TARBP1: variants seen among roughly 807,000 people sequenced by gnomAD.
TARBP1 encodes tRNA (guanosine(18)-2'-O)-methyltransferase TARBP1.
Under a neutral mutation model 178.6 loss-of-function variants are expected in TARBP1, and 144 were observed. The observed-to-expected ratio is 0.81, with a 90% CI of 0.70 to 0.93. The LOEUF (loss-of-function observed/expected upper bound fraction) is 0.93, where lower values mean the gene tolerates loss of function less well. Ranked by LOEUF, TARBP1 falls within the 40% of genes least tolerant of loss-of-function variation. TARBP1 has a pLI of 0.00. For missense variants in TARBP1, 2,067 were observed against 2,011.7 expected (o/e 1.03, Z -0.53); for synonymous variants, 787 against 781.0 (o/e 1.01, Z -0.13).
At position 234,393,640 on chromosome 1, in the gene TARBP1, C is replaced by A. The variant is rs768263137; in HGVS notation, c.4435+6G>T. The A allele has an allele frequency of 6.2e-5, 99 of 1,596,324 alleles. No homozygotes were observed. Among genetic ancestry groups the A allele is most frequent in the Non-Finnish European group, 8.5e-5 (99 of 1,167,858 alleles). ...AGGCAAAGCTCCCAGAAAACTCCAA[C>A]TTTACCTCCTAAATTGGTCGGTTTG... is the stretch of plus-strand genomic sequence containing the variant. On this transcript the variant is annotated splice_donor_region_variant and intron_variant, in intron 27 of 29. Transcript: ENST00000040877.
chr1:234,433,321 T>C (rs1018922818), intron 14 of TARBP1, 89 bp downstream of exon 14: 21 of 1,309,500 alleles, frequency 1.6e-5, no homozygotes, highest in Non-Finnish European at 5.4e-6. Context: ...ACGCTTTGTA[T>C]GGTATCAAAA....
intron 26 of TARBP1, among the ~76,000 whole-genome samples, chr1:234,395,846 G>A (rs1659884756): frequency 6.6e-6 from 1 of 152,162 alleles, no homozygotes; most frequent in Non-Finnish European, 1.5e-5. Flanking sequence ...AAGCTCTTGT[G>A]TTCTAGTACA....
chr1:234,410,434 A>G lies in TARBP1; in HGVS notation c.3792+11T>C, dbSNP rs771141422. The G allele has an allele frequency of 3.5e-6, 5 of 1,428,650 alleles. No homozygotes were observed. In the East Asian group the frequency reaches 1.2e-4, roughly 34 times the overall value. 88.5% of individuals were successfully genotyped at this position (1,428,650 alleles called of 1,614,324 possible). On this transcript the variant is annotated intron_variant, in intron 23 of 29. Coordinates refer to ENST00000040877, the MANE Select transcript of TARBP1 (RefSeq NM_005646.4). ...TTACAGTCAAGTTTAAATTCTTACA[A>G]ACAAACTTACCTTTTCTGGAATATT...
At chr1:234,450,127 G>A (rs1666596306) in intron 10 of TARBP1, among the ~76,000 whole-genome samples, 1 of 151,890 alleles carries the variant, frequency 6.6e-6, no homozygotes, top group Non-Finnish European at 1.5e-5. Context: ...TAGTTCACAA[G>A]GACCCAGTAA....
At chr1:234,414,678 G>C (rs371406371) in intron 22 of TARBP1, among the ~76,000 whole-genome samples, 5 of 152,104 alleles carry the variant, frequency 3.3e-5, no homozygotes, top group Non-Finnish European at 7.4e-5. Context: ...TTCAAGAGTG[G>C]GTTGGGAAGG....
intron 23 of TARBP1, 61 bp downstream of exon 23, chr1:234,410,384 G>A: frequency 1.9e-6 from 2 of 1,037,326 alleles, no homozygotes; most frequent in South Asian, 1.5e-5. Context: ...ATAAAAAATT[G>A]GTACAAATAC....
chr1:234,391,567 G>A lies in TARBP1; in HGVS notation c.*10C>T. ...CTGAACAGCAGCAGCAGTTCACTAA[G>A]GAAGGCACATCATGGCTTGGTATCT... On this transcript the variant is annotated 3_prime_UTR_variant, in exon 30 of 30. Transcript: ENST00000040877. 1 of 1,596,230 alleles carries A rather than the reference G, an allele frequency of 6.3e-7. No homozygotes were observed. The highest frequency in any genetic ancestry group is 8.6e-7 in the Non-Finnish European group (1 of 1,168,468).
intron 9 of TARBP1, 136 bp from the exon 10 acceptor site, chr1:234,450,702 CTA>C: frequency 1.0e-6 from 1 of 988,422 alleles, no homozygotes; most frequent in South Asian, 1.7e-5. Context: ...AAACCATTTA[CTA>C]TCATACTTGA....
Position 234,460,257 on chromosome 1 carries a change from T to C in TARBP1, c.1535+4A>G. The C allele has an allele frequency of 6.2e-7, 1 of 1,612,116 alleles. No individual in the cohort carries two copies. On this transcript the variant is annotated splice_donor_region_variant and intron_variant, in intron 7 of 29. Transcript: ENST00000040877. ...CATACAAGTACATATACAGAGTAAA[T>C]TACCTGAGAGCAAGAAGCCCATCTA...
intron 5 of TARBP1, 114 bp from the exon 6 acceptor site, chr1:234,464,048 A>G (rs1668182000): frequency 2.0e-6 from 1 of 510,926 alleles, no homozygotes; most frequent in East Asian, 3.5e-5. Flanking sequence ...AAACAATCAG[A>G]CAGTTTTATT....
At chr1:234,467,105 C>T (rs1044940032) in intron 4 of TARBP1, among the ~76,000 whole-genome samples, 1 of 152,144 alleles carries the variant, frequency 6.6e-6, no homozygotes, top group African/African-American at 2.4e-5. Flanking sequence ...TAGTAGACAA[C>T]AGCAATTCAT....
Position 234,425,745 on chromosome 1 carries a change from C to A in TARBP1, c.3372G>T (p.Leu1124=). The change falls in exon 20 of 30, where the codon CTG becomes CTT. Residue 1124 remains leucine, a synonymous_variant. Coordinates refer to ENST00000040877, the MANE Select transcript of TARBP1 (RefSeq NM_005646.4). ...HYVRICAVKF[L]CLLDGSNMSH... ...ACATATTGGAGCCATCTAATAAACA[C>A]AGGAATTTGACAGCACAAATTCTCA... 1.9e-6 allele frequency: 3 copies of A among 1,608,614 alleles called. No homozygotes were observed. Among genetic ancestry groups the A allele is most frequent in the Non-Finnish European group, 2.6e-6 (3 of 1,175,676 alleles).
intron 24 of TARBP1, among the ~76,000 whole-genome samples, chr1:234,404,763 G>A (rs935079138): frequency 5.3e-5 from 8 of 151,990 alleles, no homozygotes; most frequent in African/African-American, 1.7e-4. Flanking sequence ...TCTCCCCACA[G>A]CTAACTCTCT....
chr1:234,442,246 C>A (rs895496016), intron 12 of TARBP1, among the ~76,000 whole-genome samples: 1 of 152,118 alleles, frequency 6.6e-6, no homozygotes, highest in Admixed American at 6.5e-5. Flanking sequence ...AACTGGATTT[C>A]ATCAGAATAA....
rs1257444040 is a variant in TARBP1 at position 234,465,690 on chromosome 1, T to C, written c.1267A>G (p.Met423Val). The C allele has an allele frequency of 2.5e-6, 4 of 1,576,098 alleles. No homozygotes were observed. Among genetic ancestry groups the C allele is most frequent in the Admixed American group, 2.0e-5 (1 of 51,226 alleles). ...EFSEFIIGPL[M>V]DALSESSLYS... ...AGAGAGCTCTCTGAAAGCGCATCCA[T>C]TAATGGTCCAATAATAAACTAAAAA... The change falls in exon 5 of 30, where the codon ATG (methionine) becomes GTG (valine). Residue 423 changes from methionine (M) to valine (V), a missense_variant. Met to Val is a conservative substitution (Grantham distance 21, BLOSUM62 1). Coordinates refer to ENST00000040877, the MANE Select transcript of TARBP1 (RefSeq NM_005646.4).
At chr1:234,473,781 A>G (rs1269157936) in intron 1 of TARBP1, among the ~76,000 whole-genome samples, 1 of 152,234 alleles carries the variant, frequency 6.6e-6, no homozygotes, top group Non-Finnish European at 1.5e-5. Context: ...AAGAATCATC[A>G]GACAGTTGGG....
chr1:234,397,950 C>A (rs558429583), intron 26 of TARBP1, among the ~76,000 whole-genome samples: 1 of 139,516 alleles, frequency 7.2e-6, no homozygotes, highest in South Asian at 2.3e-4. Flanking sequence ...CATGAAGCGG[C>A]GTCCAACCAA....
intron 28 of TARBP1, 160 bp from the exon 29 acceptor site, chr1:234,392,712 T>A: frequency 1.9e-6 from 1 of 529,150 alleles, no homozygotes; most frequent in Non-Finnish European, 3.0e-6. Flanking sequence ...GACATCAATT[T>A]CTTTTTTTTT....
chr1:234,406,377 T>C (rs1661247366), intron 23 of TARBP1: 1 of 385,538 alleles, frequency 2.6e-6, no homozygotes, highest in African/African-American at 2.0e-5. Context: ...CTGAGTTAAC[T>C]TGAAAAAAGT....
Sources: allele counts gnomAD v4.1 joint callset (sites outside exome capture counted in the v4.1 genomes callset), GRCh38; gene constraint gnomAD v4.1.1; transcripts MANE v1.5; gene names NCBI Gene and HGNC (gene_info 2026-07-23, HGNC 2026-07-21).